Variants in SHROOM2 observed in about 807,000 individuals in gnomAD.
SHROOM2 encodes the protein protein Shroom2.
Under a neutral mutation model 75.9 loss-of-function variants are expected in SHROOM2, and 33 were observed. That is an observed-to-expected ratio of 0.43 (90% confidence interval 0.33 to 0.58). The LOEUF is 0.58. SHROOM2 is among the 20% of genes least tolerant of loss of function. The pLI is 0.04. For synonymous variants in SHROOM2, 655 were observed against 663.6 expected (o/e 0.99, Z 0.20); for missense variants, 1,434 against 1,461.2 (o/e 0.98, Z 0.30).
intron 1 of SHROOM2, among the ~76,000 whole-genome samples, chrX:9,821,776 C>T (rs905711471): frequency 5.4e-5 from 6 of 111,538 alleles, no homozygotes; most frequent in African/African-American, 2.0e-4. Context: ...GTTACCGGGG[C>T]GGAGTGCAGA....
intron 1 of SHROOM2, among the ~76,000 whole-genome samples, chrX:9,812,832 T>C (rs1374075280): frequency 8.9e-6 from 1 of 112,349 alleles, no homozygotes; most frequent in Admixed American, 9.4e-5. Context: ...TGGTGGGCCT[T>C]GTGGACAGGA....
At chrX:9,814,827 G>C (rs190636538) in intron 1 of SHROOM2, among the ~76,000 whole-genome samples, 130 of 111,681 alleles carry the variant, frequency 1.2e-3, no homozygotes, top group African/African-American at 4.1e-3. Flanking sequence ...TATTCTTTTC[G>C]AATCAATGCC....
At chrX:9,898,028 C>G (rs920692073) in intron 4 of SHROOM2, 162 bp from the exon 5 acceptor site, 36 of 487,578 alleles carry the variant, frequency 7.4e-5, no homozygotes, top group Admixed American at 2.1e-4. Context: ...GTTTCCTGCC[C>G]AGAACAGAAG....
At position 9,937,502 on chromosome X, in the gene SHROOM2, T is replaced by C; in HGVS notation, c.3956T>C (p.Leu1319Pro). ...GTGGAAGACCTGAAGTCGGAGGAGC[T>C]GGCCAGGGAGATCGTGGGGAAGGAT... ...KTVEDLKSEE[L>P]AREIVGKDKS... The change falls in exon 7 of 10, where the codon CTG becomes CCG. Residue 1319 changes from leucine (L) to proline (P), a missense_variant. Leu to Pro is a moderately conservative substitution (Grantham distance 98, BLOSUM62 -3). This residue lies in a region of SHROOM2 where 1,340 missense variants were observed against 1,338.3 expected (regional missense o/e 1.00). Transcript: ENST00000380913. 8.3e-7 allele frequency: 1 copy of C among 1,211,411 alleles called. No homozygotes were observed. The highest frequency in any genetic ancestry group is 1.1e-6 in the Non-Finnish European group (1 of 895,494).
intron 1 of SHROOM2, among the ~76,000 whole-genome samples, chrX:9,830,662 C>T (rs112697231): frequency 0.013 from 1,093 of 82,795 alleles, 21 homozygotes; most frequent in African/African-American, 0.048. Context: ...AGTGCAATGG[C>T]GCGATCTTGG....
intron 5 of SHROOM2, among the ~76,000 whole-genome samples, chrX:9,898,954 A>G (rs1213512108): frequency 9.0e-6 from 1 of 111,122 alleles, no homozygotes; most frequent in African/African-American, 3.3e-5. Context: ...AATACATAGT[A>G]TAATCTGTGC....
intron 1 of SHROOM2, among the ~76,000 whole-genome samples, chrX:9,872,879 T>C (rs1221597537): frequency 8.9e-6 from 1 of 112,184 alleles, no homozygotes; most frequent in African/African-American, 3.2e-5. Context: ...CACTTTATAA[T>C]AGCCAAAAGT....
intron 2 of SHROOM2, among the ~76,000 whole-genome samples, chrX:9,886,314 C>T (rs901345705): frequency 1.8e-5 from 2 of 112,373 alleles, no homozygotes; most frequent in Non-Finnish European, 3.8e-5. Context: ...TCGGACTGTC[C>T]TATCTTCCTC....
chrX:9,874,093 T>C (rs1358698013), intron 2 of SHROOM2, among the ~76,000 whole-genome samples: 2 of 112,531 alleles, frequency 1.8e-5, no homozygotes, highest in East Asian at 5.5e-4. Context: ...ACGGTGCTTA[T>C]GCTCCCAGTG....
chrX:9,873,834 A>G lies in SHROOM2; in HGVS notation c.317+31A>G, dbSNP rs138116190. ...ATCTGAGCTTCCTCCCACATTTACCACGACACACAGGAATGAGTGGAACAT... is the reference window on the plus strand; with the variant it reads ...ATCTGAGCTTCCTCCCACATTTACCGCGACACACAGGAATGAGTGGAACAT... On this transcript the variant is annotated intron_variant, in intron 2 of 9. Transcript: ENST00000380913. 5.7e-5 allele frequency: 68 copies of G among 1,200,223 alleles called. No homozygotes were observed. The Middle Eastern group carries it at 1.9e-3, about 33-fold the overall frequency.
chrX:9,925,072 T>C (rs1331642068), intron 5 of SHROOM2, among the ~76,000 whole-genome samples: 1 of 111,697 alleles, frequency 9.0e-6, no homozygotes, highest in Non-Finnish European at 1.9e-5. Context: ...GGTTGGTTTC[T>C]TGCCTCTTTT....
intron 1 of SHROOM2, among the ~76,000 whole-genome samples, chrX:9,844,827 A>AT (rs1241694492): frequency 7.3e-5 from 8 of 110,303 alleles, no homozygotes; most frequent in East Asian, 2.8e-4. Context: ...AAATAAATAA[A>AT]TAAATTAATT....
rs888494841 is a variant in SHROOM2 at position 9,842,443 on chromosome X, A to G, written c.166-31209A>G. ...ATCCTCCTGTTGTTTCCTTTTCACCACTGCAGGTCTCCACCTGCCCTGGTG... is the reference window on the plus strand; with the variant it reads ...ATCCTCCTGTTGTTTCCTTTTCACCGCTGCAGGTCTCCACCTGCCCTGGTG... On this transcript the variant is annotated intron_variant, in intron 1 of 9. Transcript: ENST00000380913. Among the ~76,000 whole-genome samples the G allele has an allele frequency of 1.2e-4, 13 of 112,217 alleles. 1 individual carries two copies. Among genetic ancestry groups the G allele is most frequent in the Admixed American group, 5.6e-4 (6 of 10,622 alleles).
Position 9,786,682 on chromosome X carries a change from A to G in SHROOM2, c.137A>G (p.Glu46Gly). 2 of 888,526 alleles carry G rather than the reference A, an allele frequency of 2.3e-6. No homozygotes were observed. The highest frequency in any genetic ancestry group is 2.8e-6 in the Non-Finnish European group (2 of 724,395). 73.2% of individuals were successfully genotyped at this position (888,526 alleles called of 1,213,427 possible). ...PWGFTLKGGR[E>G]HGEPLVITKI... ...GGCTTCACCCTGAAGGGCGGCCGCG[A>G]GCACGGCGAGCCGCTGGTCATCACC... Residue 46 changes from glutamate to glycine, a missense_variant, in exon 1 of 10, where the codon GAG becomes GGG. Physicochemically the swap from Glu to Gly is moderately conservative, Grantham distance 98. Transcript: ENST00000380913.
chrX:9,789,291 G>C (rs946732446), intron 1 of SHROOM2, among the ~76,000 whole-genome samples: 10 of 111,571 alleles, frequency 9.0e-5, no homozygotes, highest in Non-Finnish European at 7.5e-5. Flanking sequence ...ACCAACTTCA[G>C]AGGAGTAGCA....
At chrX:9,864,161 C>T (rs1429947576) in intron 1 of SHROOM2, among the ~76,000 whole-genome samples, 2 of 111,065 alleles carry the variant, frequency 1.8e-5, no homozygotes, top group African/African-American at 3.3e-5. Context: ...ATTTCCTTCC[C>T]CAAGCGCCGG....
At chrX:9,804,318 C>G (rs1569136419) in intron 1 of SHROOM2, among the ~76,000 whole-genome samples, 4 of 111,908 alleles carry the variant, frequency 3.6e-5, no homozygotes, top group Non-Finnish European at 7.5e-5. Context: ...GGCCGGGGCC[C>G]AGAGACAACA....
chrX:9,797,914 G>C (rs755723073), intron 1 of SHROOM2, among the ~76,000 whole-genome samples: 6 of 112,109 alleles, frequency 5.4e-5, no homozygotes, highest in Non-Finnish European at 9.4e-5. Context: ...TGCAAATGTT[G>C]CCTGGGAGGG....
chrX:9,891,867 T>TGG (rs1317392625), intron 3 of SHROOM2, among the ~76,000 whole-genome samples: 7 of 93,638 alleles, frequency 7.5e-5, no homozygotes, highest in African/African-American at 3.2e-4. Flanking sequence ...TGAGCATGTT[T>TGG]GGTGTGTGTG....
Sources: allele counts gnomAD v4.1 joint callset (sites outside exome capture counted in the v4.1 genomes callset), GRCh38; gene constraint gnomAD v4.1.1; regional missense constraint gnomAD v4.1.1; transcripts MANE v1.5; gene names NCBI Gene and HGNC (gene_info 2026-07-23, HGNC 2026-07-21).